The following NBN variants were observed in gnomAD, a reference collection of about 807,000 sequenced individuals.
NBN encodes the protein nibrin, also known as Nijmegen breakage syndrome 1 (nibrin).
A neutral mutation model predicts 90.8 loss-of-function variants in NBN; 88 were observed. The observed-to-expected ratio is 0.97, with a 90% CI of 0.82 to 1.16. The LOEUF is 1.16. Ranked by LOEUF, NBN falls within the 50% of genes most tolerant of loss-of-function variation. The pLI is 0.00. For missense variants in NBN, 894 were observed against 869.6 expected (o/e 1.03, Z -0.35); for synonymous variants, 328 against 295.1 (o/e 1.11, Z -1.14).
chr8:89,966,963 GGTGA>G (rs372825071), intron 7 of NBN, among the ~76,000 whole-genome samples: 2 of 152,144 alleles, frequency 1.3e-5, no homozygotes, highest in Admixed American at 6.5e-5. Context: ...AAAAAACATA[GGTGA>G]GTATCTTTAG....
At chr8:89,978,865 T>TA (rs1159611043) in intron 4 of NBN, among the ~76,000 whole-genome samples, 3 of 152,168 alleles carry the variant, frequency 2.0e-5, no homozygotes, top group Non-Finnish European at 4.4e-5. Context: ...AAAAGAAACT[T>TA]AAACTCACAT....
chr8:89,951,385 A>G (rs1810444111), intron 11 of NBN, among the ~76,000 whole-genome samples: 2 of 151,952 alleles, frequency 1.3e-5, no homozygotes, highest in South Asian at 4.1e-4. Flanking sequence ...TGTCAGAGAA[A>G]ATCAGAGGAG....
At chr8:89,977,223 C>G (rs993489294) in intron 5 of NBN, among the ~76,000 whole-genome samples, 2 of 151,134 alleles carry the variant, frequency 1.3e-5, no homozygotes, top group African/African-American at 4.9e-5. Context: ...CTCCCCTTGT[C>G]CCCCACCCCC....
chr8:89,958,488 T>C (rs1401398077), intron 9 of NBN, among the ~76,000 whole-genome samples: 1 of 152,182 alleles, frequency 6.6e-6, no homozygotes, highest in African/African-American at 2.4e-5. Flanking sequence ...CATGCTACAG[T>C]GGCAGAGTGG....
intron 11 of NBN, among the ~76,000 whole-genome samples, chr8:89,950,132 T>C (rs1022342366): frequency 6.6e-6 from 1 of 152,192 alleles, no homozygotes; most frequent in Non-Finnish European, 1.5e-5. Context: ...AGAAATACTT[T>C]TGTAGCTATT....
At chr8:89,946,934 T>A (rs1810217732) in intron 12 of NBN, among the ~76,000 whole-genome samples, 1 of 152,180 alleles carries the variant, frequency 6.6e-6, no homozygotes, top group Non-Finnish European at 1.5e-5. Context: ...ACTAGTCAGT[T>A]ACACATCAAC....
chr8:89,978,174 CTATCA>C (rs1811859465), intron 5 of NBN, 41 bp downstream of exon 5: 6 of 1,483,624 alleles, frequency 4.0e-6, no homozygotes, highest in Non-Finnish European at 4.7e-6. Context: ...AAAATCAATG[CTATCA>C]TATAAGTGAC....
At chr8:89,982,335 T>G in intron 2 of NBN, 1 of 300,300 alleles carries the variant, frequency 3.3e-6, no homozygotes, top group Non-Finnish European at 6.4e-6. Flanking sequence ...GTCTGTTCAT[T>G]GTTCTATTCG....
At chr8:89,984,331 T>G (rs1812225457) in intron 1 of NBN, 194 bp downstream of exon 1, 2 of 645,772 alleles carry the variant, frequency 3.1e-6, no homozygotes, top group Non-Finnish European at 5.6e-6. Flanking sequence ...CCGCCCGCGC[T>G]GAATTCCAGC....
Position 89,948,011 on chromosome 8 carries a change from G to A in NBN, c.1846-119C>T, listed in dbSNP as rs529288360. 5.7e-5 allele frequency: 34 copies of A among 594,672 alleles called. No individual in the cohort carries two copies. The South Asian group carries it at 7.5e-4, about 13-fold the overall frequency. 36.8% of individuals were successfully genotyped at this position (594,672 alleles called of 1,614,324 possible). On this transcript the variant is annotated intron_variant, in intron 11 of 15. Transcript: ENST00000265433. ...ATGGTTCCTTTCTAAAAACTTAAGA[G>A]ATATTCATGTTATGTATGACCAGGC...
chr8:89,978,044 G>C (rs965746166), intron 5 of NBN, among the ~76,000 whole-genome samples, 176 bp downstream of exon 5: 1 of 152,126 alleles, frequency 6.6e-6, no homozygotes, highest in Non-Finnish European at 1.5e-5. Flanking sequence ...AACCAACAAA[G>C]AAATTTGGGG....
At chr8:89,956,796 C>A (rs762979914) in intron 9 of NBN, among the ~76,000 whole-genome samples, 1 of 152,212 alleles carries the variant, frequency 6.6e-6, no homozygotes, top group Non-Finnish European at 1.5e-5. Context: ...CTTTCAATTA[C>A]AGTCACAGAC....
intron 13 of NBN, 67 bp from the exon 14 acceptor site, chr8:89,943,433 G>C: frequency 1.3e-6 from 2 of 1,492,160 alleles, no homozygotes; most frequent in East Asian, 4.6e-5. Flanking sequence ...TTTTTAAAAA[G>C]ATTAAAAAGC....
rs1554558251 is a variant in NBN at position 89,953,324 on chromosome 8, C to T, written c.1765G>A (p.Val589Ile). The change falls in exon 11 of 16, where the codon GTT becomes ATT. Residue 589 changes from valine to isoleucine, a missense_variant. Val to Ile is a conservative substitution (Grantham distance 29). Coordinates refer to ENST00000265433, the MANE Select transcript of NBN (RefSeq NM_002485.5). The part of the protein sequence containing the change: ...KVQKQEEDVN[V>I]RKRPRMDIET... ...ATATCCATCCTTGGCCTTTTTCTAACATTGACATCTTCCTCCTGTTTTTGA... is the reference window on the plus strand; with the variant it reads ...ATATCCATCCTTGGCCTTTTTCTAATATTGACATCTTCCTCCTGTTTTTGA... The T allele has an allele frequency of 6.2e-7, 1 of 1,613,336 alleles. No individual in the cohort carries two copies. The highest frequency in any genetic ancestry group is 1.3e-5 in the African/African-American group (1 of 74,904).
intron 11 of NBN, among the ~76,000 whole-genome samples, chr8:89,950,237 C>T (rs966348544): frequency 3.3e-5 from 5 of 152,154 alleles, no homozygotes; most frequent in African/African-American, 1.2e-4. Context: ...GGTTCCATGA[C>T]TTCCCATGGA....
chr8:89,946,513 A>C (rs1810200709), intron 12 of NBN: 2 of 505,178 alleles, frequency 4.0e-6, no homozygotes, highest in Non-Finnish European at 7.1e-6. Flanking sequence ...GGAAACATTT[A>C]TAACATACTC....
intron 15 of NBN, chr8:89,936,267 G>T (rs1586022729): frequency 4.8e-6 from 1 of 209,470 alleles, no homozygotes; most frequent in South Asian, 5.6e-5. Flanking sequence ...AGTAGAGACG[G>T]GGTTTCTCCA....
intron 9 of NBN, among the ~76,000 whole-genome samples, chr8:89,958,524 C>G (rs570367315): frequency 6.6e-6 from 1 of 152,276 alleles, no homozygotes; most frequent in African/African-American, 2.4e-5. Context: ...GATCAACAGT[C>G]TTCAAAGCCG....
intron 14 of NBN, among the ~76,000 whole-genome samples, chr8:89,939,991 C>A (rs1834496475): frequency 6.6e-6 from 1 of 152,208 alleles, no homozygotes; most frequent in South Asian, 2.1e-4. Context: ...ACAACAGAAA[C>A]TAGATGGGAT....
Sources: allele counts gnomAD v4.1 joint callset (sites outside exome capture counted in the v4.1 genomes callset), GRCh38; gene constraint gnomAD v4.1.1; transcripts MANE v1.5; gene names NCBI Gene and HGNC (gene_info 2026-07-23, HGNC 2026-07-21).